PTPRE: variants seen among roughly 807,000 people sequenced by gnomAD.
PTPRE encodes the protein protein tyrosine phosphatase receptor type E.
A neutral mutation model predicts 102.0 loss-of-function variants in PTPRE; 51 were observed. The ratio of observed to expected loss-of-function variants is 0.50; its 90% CI spans 0.40 to 0.63. The LOEUF is 0.63. Among genes scored for constraint, PTPRE ranks in the 30% least tolerant of loss-of-function variants. The probability of loss-of-function intolerance (pLI) is 0.00; values close to 1 mark genes in which losing one functional copy is unlikely to be tolerated. For missense variants in PTPRE, 752 were observed against 915.1 expected (o/e 0.82, Z 2.30); for synonymous variants, 345 against 348.2 (o/e 0.99, Z 0.10).
intron 3 of PTPRE, among the ~76,000 whole-genome samples, chr10:128,045,152 G>C (rs1415869192): frequency 6.6e-6 from 1 of 152,256 alleles, no homozygotes; most frequent in South Asian, 2.1e-4. Context: ...TAGCTACTAA[G>C]AAACACCAGG....
chr10:127,932,869 A>G (rs956037315), intron 1 of PTPRE, among the ~76,000 whole-genome samples: 2 of 152,182 alleles, frequency 1.3e-5, no homozygotes, highest in African/African-American at 4.8e-5. Context: ...GGCAGAATGC[A>G]GTTCCTTGAG....
At chr10:127,931,377 A>G (rs1007934511) in intron 1 of PTPRE, among the ~76,000 whole-genome samples, 3 of 152,230 alleles carry the variant, frequency 2.0e-5, no homozygotes, top group African/African-American at 7.2e-5. Context: ...TCCAGAAAAT[A>G]TTAAGAACCT....
chr10:128,007,342 G>A (rs1844585397), intron 2 of PTPRE, among the ~76,000 whole-genome samples: 2 of 152,152 alleles, frequency 1.3e-5, no homozygotes, highest in Non-Finnish European at 1.5e-5. Context: ...AGGTAGGCCA[G>A]AATTAAAATT....
chr10:127,970,091 G>A (rs1019573012), intron 1 of PTPRE, among the ~76,000 whole-genome samples: 3 of 152,032 alleles, frequency 2.0e-5, no homozygotes, highest in Admixed American at 6.5e-5. Flanking sequence ...ACACACACGC[G>A]TAAAAAAAAG....
chr10:127,959,083 A>C (rs979083245), intron 1 of PTPRE, among the ~76,000 whole-genome samples: 1 of 152,120 alleles, frequency 6.6e-6, no homozygotes, highest in Admixed American at 6.5e-5. Context: ...TTTAGTAGAG[A>C]TGGTGTTTCT....
chr10:128,072,221 A>T lies in PTPRE; in HGVS notation c.1464+7A>T. On this transcript the variant is annotated splice_region_variant and intron_variant, in intron 16 of 20. Transcript: ENST00000254667. ...CAACGCATCCTTCATAGACGTACGT[A>T]TGCTGGCCTGGGTTGTGTTTATGCA... is the stretch of plus-strand genomic sequence containing the variant. 1 of 1,611,604 alleles carries T rather than the reference A, an allele frequency of 6.2e-7. No homozygotes were observed. The highest frequency in any genetic ancestry group is 8.5e-7 in the Non-Finnish European group (1 of 1,178,214).
At chr10:128,034,382 A>C (rs56315325) in intron 2 of PTPRE, among the ~76,000 whole-genome samples, 3,553 of 151,790 alleles carry the variant, frequency 0.023, 137 homozygotes, top group African/African-American at 0.081. Flanking sequence ...TATAGAGTTA[A>C]AATTATTGAA....
rs908120292 is a variant in PTPRE, at chr10:127,921,009, G to A, written c.-31+13700G>A. On this transcript the variant is annotated intron_variant, in intron 1 of 20. Transcript: ENST00000254667. ...ACTGGCCCAACCTCAAAGCTTCCTC[G>A]GTGTCTGGGGCTTGCCCTGTTCTGA... Among the ~76,000 whole-genome samples, 11 of 152,214 alleles carry A rather than the reference G, an allele frequency of 7.2e-5. No individual in the cohort carries two copies. The South Asian group carries it at 1.0e-3, about 14-fold the overall frequency.
At chr10:127,947,513 T>G (rs1222128381) in intron 1 of PTPRE, among the ~76,000 whole-genome samples, 1 of 152,260 alleles carries the variant, frequency 6.6e-6, no homozygotes, top group Non-Finnish European at 1.5e-5. Flanking sequence ...TATCTCTTAA[T>G]GCTTACATCC....
At chr10:127,960,530 G>T (rs1849714609) in intron 1 of PTPRE, among the ~76,000 whole-genome samples, 1 of 152,118 alleles carries the variant, frequency 6.6e-6, no homozygotes, top group Non-Finnish European at 1.5e-5. Flanking sequence ...CCCGAGTCCG[G>T]TCTGACCGTT....
chr10:128,010,364 G>T (rs934568557), intron 2 of PTPRE, among the ~76,000 whole-genome samples: 2 of 152,164 alleles, frequency 1.3e-5, no homozygotes, highest in Non-Finnish European at 2.9e-5. Flanking sequence ...TTGGGGAATT[G>T]AAATTTTTTC....
At chr10:128,065,445 C>T (rs542922102) in intron 10 of PTPRE, among the ~76,000 whole-genome samples, 3 of 152,238 alleles carry the variant, frequency 2.0e-5, no homozygotes, top group South Asian at 2.1e-4. Flanking sequence ...GCTCCTGGAA[C>T]GTGTATTTTG....
chr10:128,041,116 T>C, intron 3 of PTPRE, 126 bp downstream of exon 3: 1 of 811,176 alleles, frequency 1.2e-6, no homozygotes, highest in African/African-American at 1.7e-5. Context: ...TAGTGTGCTT[T>C]TAATAGTTTG....
chr10:127,932,111 G>C (rs1480523561), intron 1 of PTPRE, among the ~76,000 whole-genome samples: 1 of 152,128 alleles, frequency 6.6e-6, no homozygotes, highest in East Asian at 1.9e-4. Context: ...AGGAATATAA[G>C]AAGGAATATA....
chr10:128,068,437 C>A (rs1434578596), intron 12 of PTPRE, 151 bp downstream of exon 12: 10 of 823,770 alleles, frequency 1.2e-5, no homozygotes, highest in Non-Finnish European at 1.8e-5. Context: ...CTGAGCCAGG[C>A]CCCAAGAACC....
intron 2 of PTPRE, among the ~76,000 whole-genome samples, chr10:127,996,298 A>G (rs978577467): frequency 6.6e-6 from 1 of 152,230 alleles, no homozygotes; most frequent in African/African-American, 2.4e-5. Flanking sequence ...ATTACAAGGA[A>G]GATCTCGAAA....
At chr10:127,951,449 G>A (rs1849016719) in intron 1 of PTPRE, among the ~76,000 whole-genome samples, 1 of 152,222 alleles carries the variant, frequency 6.6e-6, no homozygotes, top group South Asian at 2.1e-4. Flanking sequence ...GCTCTGAACT[G>A]ACATTGATTC....
At chr10:127,991,688 G>A (rs958636225) in intron 2 of PTPRE, among the ~76,000 whole-genome samples, 2 of 152,204 alleles carry the variant, frequency 1.3e-5, no homozygotes, top group African/African-American at 4.8e-5. Flanking sequence ...GTTTCCTAAT[G>A]GGAAGCCTGG....
At chr10:128,035,052 C>T (rs1266846657) in intron 2 of PTPRE, among the ~76,000 whole-genome samples, 8 of 152,074 alleles carry the variant, frequency 5.3e-5, no homozygotes, top group African/African-American at 4.8e-5. Flanking sequence ...GGCATGATCT[C>T]GGCTATTGCA....
Sources: gnomAD v4.1 joint callset for allele counts (sites outside exome capture counted in the v4.1 genomes callset) on GRCh38, gnomAD v4.1.1 for gene constraint, MANE v1.5 for transcripts, NCBI Gene and HGNC (gene_info 2026-07-23, HGNC 2026-07-21) for gene names.